Variants in UFL1 observed in about 807,000 individuals in gnomAD.
UFL1 encodes the protein E3 UFM1-protein ligase 1.
In UFL1, 78 loss-of-function variants were observed where a neutral mutation model predicts 99.3. The observed-to-expected ratio is 0.79, with a 90% CI of 0.65 to 0.95. The LOEUF is 0.95. Ranked by LOEUF, UFL1 falls within the 40% of genes least tolerant of loss-of-function variation. UFL1 has a pLI of 0.00. For synonymous variants in UFL1, 335 were observed against 322.2 expected (o/e 1.04, Z -0.42); for missense variants, 936 against 937.0 (o/e 1.00, Z 0.01).
chr6:96,522,927 T>A (rs1035871929), intron 1 of UFL1: 1 of 370,900 alleles, frequency 2.7e-6, no homozygotes, highest in African/African-American at 2.1e-5. Flanking sequence ...GGATGATGTG[T>A]ACCAATTAAA....
At chr6:96,551,012 C>T (rs1345046683) in intron 15 of UFL1, among the ~76,000 whole-genome samples, 1 of 151,880 alleles carries the variant, frequency 6.6e-6, no homozygotes, top group East Asian at 1.9e-4. Flanking sequence ...TTCCTCATAC[C>T]ATAGAGCATA....
intron 6 of UFL1, 107 bp from the exon 7 acceptor site, chr6:96,534,155 TC>T: frequency 1.4e-6 from 1 of 693,810 alleles, no homozygotes; most frequent in Non-Finnish European, 2.0e-6. Context: ...CTTTATTTTT[TC>T]TTTTAAACAG....
chr6:96,525,783 G>T (rs576633808), intron 4 of UFL1, among the ~76,000 whole-genome samples: 3 of 150,360 alleles, frequency 2.0e-5, no homozygotes, highest in Non-Finnish European at 4.4e-5. Flanking sequence ...TAACTTTTAC[G>T]TTCCTTCCCG....
intron 9 of UFL1, among the ~76,000 whole-genome samples, chr6:96,538,362 G>T (rs1582441532): frequency 6.6e-6 from 1 of 151,726 alleles, no homozygotes; most frequent in Non-Finnish European, 1.5e-5. Flanking sequence ...CGAACTATGT[G>T]TGCCTTGTAG....
intron 8 of UFL1, among the ~76,000 whole-genome samples, chr6:96,536,652 T>C (rs2127950966): frequency 6.6e-6 from 1 of 151,910 alleles, no homozygotes; most frequent in East Asian, 1.9e-4. Flanking sequence ...GTTCTATAGT[T>C]ACTGAACAAT....
chr6:96,528,390 C>A, intron 5 of UFL1, 112 bp from the exon 6 acceptor site: 2 of 1,284,906 alleles, frequency 1.6e-6, no homozygotes, highest in Non-Finnish European at 1.1e-6. Flanking sequence ...TGAAACTTCT[C>A]AATCACATGA....
chr6:96,525,771 C>T (rs372314590), intron 4 of UFL1, among the ~76,000 whole-genome samples: 14 of 150,210 alleles, frequency 9.3e-5, no homozygotes, highest in Non-Finnish European at 1.6e-4. Flanking sequence ...AAACGTAAAA[C>T]GTAACTTTTA....
chr6:96,547,416 C>T (rs551352255), intron 12 of UFL1, among the ~76,000 whole-genome samples: 1 of 151,762 alleles, frequency 6.6e-6, no homozygotes, highest in Admixed American at 6.6e-5. Flanking sequence ...ATGGAGATTT[C>T]TCAAAGAACT....
rs1345494153 is a variant in UFL1, at chr6:96,552,559, T to C, written c.2063T>C (p.Leu688Pro). 2 of 1,613,120 alleles carry C rather than the reference T, an allele frequency of 1.2e-6. No homozygotes were observed. Among genetic ancestry groups the C allele is most frequent in the East Asian group, 4.5e-5 (2 of 44,814 alleles). The change falls in exon 18 of 19, where the codon CTC becomes CCC. Residue 688 changes from leucine to proline, a missense_variant. Transcript: ENST00000369278. ...VTEDPALILH[L>P]TSVLLFQFST... ...GAAGACCCTGCTCTTATTCTGCACC[T>C]CACATCAGTCCTGTTGTTTCAGTTT...
At chr6:96,552,734 A>T (rs966658484) in intron 18 of UFL1, 72 bp downstream of exon 18, 4 of 1,382,104 alleles carry the variant, frequency 2.9e-6, no homozygotes, top group Middle Eastern at 1.9e-4. Context: ...ATTGAGATGA[A>T]TTACTGTCAG....
At chr6:96,531,935 CT>C (rs1769788440) in intron 6 of UFL1, among the ~76,000 whole-genome samples, 1 of 152,120 alleles carries the variant, frequency 6.6e-6, no homozygotes. Flanking sequence ...GTATTTGTCT[CT>C]TAAAAATAAC....
At chr6:96,550,148 A>G (rs1474064562) in intron 15 of UFL1, among the ~76,000 whole-genome samples, 1 of 151,838 alleles carries the variant, frequency 6.6e-6, no homozygotes. Flanking sequence ...ATCTCATTTC[A>G]ATATTTAGAC....
At chr6:96,546,534 A>C (rs1179494192) in intron 12 of UFL1, among the ~76,000 whole-genome samples, 1 of 151,594 alleles carries the variant, frequency 6.6e-6, no homozygotes, top group Non-Finnish European at 1.5e-5. Context: ...TTGATATGGA[A>C]CCAAAAGAGA....
chr6:96,553,573 A>T lies in UFL1; in HGVS notation c.*70A>T. 2.2e-6 allele frequency: 3 copies of T among 1,385,832 alleles called. No homozygotes were observed. The highest frequency in any genetic ancestry group is 3.0e-6 in the Non-Finnish European group (3 of 1,006,778). 85.8% of individuals were successfully genotyped at this position (1,385,832 alleles called of 1,614,324 possible). A position where few individuals can be genotyped will look rare whatever the true frequency, so the allele number is the denominator to read the frequency against. ...GGTTGAAGGTGAGTGGTCACAAAAA[A>T]GTAGTCACTATACAACTCCCCTCTC... is the stretch of plus-strand genomic sequence containing the variant. On this transcript the variant is annotated 3_prime_UTR_variant, in exon 19 of 19. Transcript: ENST00000369278.
intron 6 of UFL1, 28 bp from the exon 7 acceptor site, chr6:96,534,234 AG>A: frequency 1.6e-6 from 2 of 1,226,686 alleles, no homozygotes; most frequent in Non-Finnish European, 1.1e-6. Flanking sequence ...ATGAGTAAGA[AG>A]TTTTTTTTTT....
intron 6 of UFL1, among the ~76,000 whole-genome samples, chr6:96,531,865 C>T (rs997246000): frequency 1.2e-4 from 18 of 152,072 alleles, no homozygotes. Context: ...TTTTGAGCCT[C>T]AAAAGATGTT....
chr6:96,539,749 T>C (rs72932870), intron 10 of UFL1, among the ~76,000 whole-genome samples: 5,359 of 151,608 alleles, frequency 0.035, 158 homozygotes, highest in South Asian at 0.14. Context: ...GACTCTTACT[T>C]TTATTTGGGA....
At chr6:96,546,802 C>T (rs1171053738) in intron 12 of UFL1, among the ~76,000 whole-genome samples, 5 of 150,148 alleles carry the variant, frequency 3.3e-5, no homozygotes, top group Non-Finnish European at 6.0e-5. Context: ...CTGGGAAGAA[C>T]GAAACTGTAT....
At chr6:96,547,411 G>C (rs901546607) in intron 12 of UFL1, among the ~76,000 whole-genome samples, 1 of 151,624 alleles carries the variant, frequency 6.6e-6, no homozygotes, top group Admixed American at 6.6e-5. Flanking sequence ...ACAGTATGGA[G>C]ATTTCTCAAA....
Sources: gnomAD v4.1 joint callset for allele counts (sites outside exome capture counted in the v4.1 genomes callset) on GRCh38, gnomAD v4.1.1 for gene constraint, MANE v1.5 for transcripts, NCBI Gene and HGNC (gene_info 2026-07-23, HGNC 2026-07-21) for gene names.